The following AOPEP variants were observed in gnomAD, a reference collection of about 807,000 sequenced individuals.
The protein encoded by AOPEP is aminopeptidase O.
AOPEP carries 77 observed loss-of-function variants against 98.1 expected under a neutral mutation model. The observed-to-expected ratio is 0.78, with a 90% CI of 0.65 to 0.95. AOPEP has a LOEUF of 0.95. Ranked by LOEUF, AOPEP falls within the 40% of genes least tolerant of loss-of-function variation. The pLI, the probability that AOPEP is intolerant of heterozygous loss-of-function variation, is 0.00. For synonymous variants in AOPEP, 346 were observed against 365.3 expected, an observed-to-expected ratio of 0.95 and a Z score of 0.60; for missense variants, 1,024 against 1,024.7, an observed-to-expected ratio of 1.00 and a Z score of 0.01.
chr9:95,128,894 T>C, the AOPEP span, among the ~76,000 whole-genome samples: 2 of 151,814 alleles, frequency 1.3e-5, no homozygotes, highest in East Asian at 3.9e-4. Flanking sequence ...AGATTTTGAT[T>C]TGAAAACCAG....
chr9:95,076,924 T>G (rs750492337), intron 14 of AOPEP, among the ~76,000 whole-genome samples: 1 of 152,260 alleles, frequency 6.6e-6, no homozygotes, highest in Non-Finnish European at 1.5e-5. Context: ...AGCTGGACTT[T>G]GTCCAGTCTC....
the AOPEP span, among the ~76,000 whole-genome samples, chr9:95,139,889 G>A: frequency 6.8e-6 from 1 of 146,322 alleles, no homozygotes; most frequent in Non-Finnish European, 1.5e-5. Context: ...AAAATTTAAA[G>A]GGACAATAAA....
At chr9:94,924,906 C>T (rs1564389618) in intron 6 of AOPEP, among the ~76,000 whole-genome samples, 1 of 152,370 alleles carries the variant, frequency 6.6e-6, no homozygotes, top group East Asian at 1.9e-4. Flanking sequence ...AGTTTGCAAC[C>T]TCTACCTTAA....
the AOPEP span, chr9:95,099,163 C>T: frequency 9.2e-6 from 2 of 216,966 alleles, no homozygotes; most frequent in Non-Finnish European, 1.9e-5. Context: ...GAATAACAGC[C>T]TGGTTGGAGG....
chr9:94,952,257 G>A (rs766906212), intron 7 of AOPEP, among the ~76,000 whole-genome samples: 7 of 152,168 alleles, frequency 4.6e-5, no homozygotes, highest in Admixed American at 1.3e-4. Flanking sequence ...TTTCATGTAC[G>A]TGCATCGCTT....
intron 14 of AOPEP, among the ~76,000 whole-genome samples, chr9:95,064,637 G>A (rs1000876866): frequency 3.3e-5 from 5 of 152,110 alleles, no homozygotes; most frequent in African/African-American, 4.8e-5. Flanking sequence ...GTCAGGGGGC[G>A]GGTCCACAAG....
chr9:94,906,988 G>T (rs1443433361), intron 5 of AOPEP, among the ~76,000 whole-genome samples: 1 of 152,128 alleles, frequency 6.6e-6, no homozygotes, highest in Non-Finnish European at 1.5e-5. Context: ...GGAGAGGTGG[G>T]CCCGAGTTTT....
At chr9:94,937,698 G>A (rs536865093) in intron 7 of AOPEP, among the ~76,000 whole-genome samples, 2 of 151,562 alleles carry the variant, frequency 1.3e-5, no homozygotes, top group South Asian at 2.1e-4. Context: ...AGCACAGATT[G>A]CATTGCCTTC....
At chr9:94,906,536 C>G (rs571349913) in intron 5 of AOPEP, among the ~76,000 whole-genome samples, 2 of 151,228 alleles carry the variant, frequency 1.3e-5, no homozygotes, top group Non-Finnish European at 2.9e-5. Context: ...TTAACCAGGT[C>G]TCAGCTACTC....
chr9:95,017,721 G>T (rs1342504583), intron 13 of AOPEP, among the ~76,000 whole-genome samples: 1 of 152,206 alleles, frequency 6.6e-6, no homozygotes, highest in Non-Finnish European at 1.5e-5. Flanking sequence ...AATGCTTATA[G>T]TTGTGTACCT....
chr9:95,028,960 G>A (rs2064069149), intron 13 of AOPEP, among the ~76,000 whole-genome samples: 1 of 152,238 alleles, frequency 6.6e-6, no homozygotes, highest in Non-Finnish European at 1.5e-5. Context: ...CCATATTACT[G>A]AGATACTAGC....
intron 7 of AOPEP, among the ~76,000 whole-genome samples, chr9:94,939,134 C>T (rs2056694559): frequency 1.3e-5 from 2 of 151,652 alleles, no homozygotes; most frequent in African/African-American, 4.8e-5. Context: ...TGTAGTCCCA[C>T]CTACTTGGGA....
chr9:95,107,143 G>C, the AOPEP span: 3 of 1,614,230 alleles, frequency 1.9e-6, no homozygotes, highest in Non-Finnish European at 2.5e-6. Context: ...TGCCTGATCA[G>C]CTGTTGTGCA....
intron 2 of AOPEP, chr9:94,763,407 CA>C: frequency 9.9e-6 from 2 of 201,750 alleles, no homozygotes; most frequent in South Asian, 1.5e-4. Flanking sequence ...AAACTTGTAT[CA>C]AAATGAAATA....
intron 5 of AOPEP, among the ~76,000 whole-genome samples, chr9:94,895,219 T>TAATAAAAAAAA (rs1204411552): frequency 2.1e-4 from 13 of 60,674 alleles, no homozygotes; most frequent in South Asian, 2.1e-3. Flanking sequence ...TCATCTCTAC[T>TAATAAAAAAAA]AAAAAAAAAT....
At chr9:95,035,012 A>T (rs1384724249) in intron 13 of AOPEP, among the ~76,000 whole-genome samples, 3 of 148,380 alleles carry the variant, frequency 2.0e-5, no homozygotes, top group African/African-American at 7.5e-5. Flanking sequence ...AAGTTCTAGG[A>T]TACATGTGCA....
chr9:94,928,434 T>C lies in AOPEP; in HGVS notation c.1564T>C (p.Tyr522His), dbSNP rs2136992935. ...FWATAQQLAP[Y>H]EAREQQELRA... ...GTCTGTGGCTGAGCAGCTGGCCCCC[T>C]ATGAGGCCCGGGAGCAGCAGGAGCT... The change falls in exon 7 of 17, where the codon TAT (tyrosine) becomes CAT (histidine). Residue 522 changes from tyrosine to histidine, a missense_variant. Around this residue, in one of 3 missense-constraint regions of AOPEP, gnomAD observed 566 missense variants for 551.7 expected, o/e 1.03. Coordinates refer to ENST00000375315, the MANE Select transcript of AOPEP (RefSeq NM_001193329.3). 1 of 1,547,928 alleles carries C rather than the reference T, an allele frequency of 6.5e-7. No homozygotes were observed.
At chr9:94,770,972 C>G (rs754283977) in intron 2 of AOPEP, among the ~76,000 whole-genome samples, 1 of 152,196 alleles carries the variant, frequency 6.6e-6, no homozygotes, top group Non-Finnish European at 1.5e-5. Flanking sequence ...CCCTCTTCTT[C>G]AGCACATCAC....
chr9:94,902,994 T>C (rs531967753), intron 5 of AOPEP, among the ~76,000 whole-genome samples: 1 of 39,752 alleles, frequency 2.5e-5, no homozygotes, highest in East Asian at 4.5e-4. Context: ...ATTTTTTTTT[T>C]TTTGAAGACA....
Sources: gnomAD v4.1 joint callset for allele counts (sites outside exome capture counted in the v4.1 genomes callset) on GRCh38, gnomAD v4.1.1 for gene constraint, gnomAD v4.1.1 regional missense constraint, MANE v1.5 for transcripts, NCBI Gene and HGNC (gene_info 2026-07-23, HGNC 2026-07-21) for gene names.